Variants in NEK7 observed in about 807,000 individuals in gnomAD.
The protein encoded by NEK7 is serine/threonine-protein kinase Nek7.
A neutral mutation model predicts 44.6 loss-of-function variants in NEK7; 18 were observed. That is an observed-to-expected ratio of 0.40 (90% CI 0.28 to 0.60). NEK7 has a LOEUF of 0.60. NEK7 is among the 20% of genes least tolerant of loss of function. NEK7 has a pLI of 0.38. For missense variants in NEK7, 256 were observed against 366.5 expected, an observed-to-expected ratio of 0.70 and a Z score of 2.46; for synonymous variants, 130 against 121.1, an observed-to-expected ratio of 1.07 and a Z score of -0.48.
intron 1 of NEK7, among the ~76,000 whole-genome samples, chr1:198,226,162 C>T (rs781542521): frequency 6.6e-6 from 1 of 151,682 alleles, no homozygotes; most frequent in Admixed American, 6.6e-5. Flanking sequence ...ATTAGTGGTA[C>T]GAGATACACT....
At chr1:198,275,411 G>A (rs1043674398) in intron 5 of NEK7, among the ~76,000 whole-genome samples, 1 of 150,234 alleles carries the variant, frequency 6.7e-6, no homozygotes, top group African/African-American at 2.4e-5. Context: ...ACTTTTAGAT[G>A]GATTGGTTAC....
At chr1:198,229,969 G>A (rs1033272342) in intron 1 of NEK7, among the ~76,000 whole-genome samples, 1 of 152,092 alleles carries the variant, frequency 6.6e-6, no homozygotes, top group Non-Finnish European at 1.5e-5. Flanking sequence ...TTCTCAAAAT[G>A]TCTTCTTTGG....
chr1:198,220,464 T>C (rs1485876792), intron 1 of NEK7, among the ~76,000 whole-genome samples: 1 of 152,138 alleles, frequency 6.6e-6, no homozygotes, highest in East Asian at 1.9e-4. Context: ...GAAACATTCA[T>C]GGTTCTTTTC....
chr1:198,167,104 C>T (rs556916702), intron 1 of NEK7, among the ~76,000 whole-genome samples: 10 of 152,304 alleles, frequency 6.6e-5, no homozygotes, highest in African/African-American at 2.4e-4. Context: ...GAATGTGGCT[C>T]ATGCCTTTCT....
intron 3 of NEK7, among the ~76,000 whole-genome samples, chr1:198,261,520 C>T (rs1183829623): frequency 1.3e-5 from 2 of 151,900 alleles, no homozygotes; most frequent in African/African-American, 4.8e-5. Flanking sequence ...TCTGCCACTC[C>T]TTTGACATTG....
chr1:198,293,054 T>C lies in NEK7; in HGVS notation c.684+15T>C, dbSNP rs1337610799. On this transcript the variant is annotated intron_variant, in intron 8 of 9. Transcript: ENST00000367385. ...TACTATATGAGGTAGGTAATGTTGATAAATTCCAAATATTGATGCAGTTTT... is the reference window on the plus strand; with the variant it reads ...TACTATATGAGGTAGGTAATGTTGACAAATTCCAAATATTGATGCAGTTTT... 3 of 1,312,842 alleles carry C rather than the reference T, an allele frequency of 2.3e-6. No individual in the cohort carries two copies. Among genetic ancestry groups the C allele is most frequent in the Non-Finnish European group, 3.3e-6 (3 of 907,588 alleles). The allele number at this position is 1,312,842 out of a possible 1,614,324, so 81.3% of individuals were successfully genotyped here.
At chr1:198,185,860 T>A (rs1281185299) in intron 1 of NEK7, among the ~76,000 whole-genome samples, 2 of 152,182 alleles carry the variant, frequency 1.3e-5, no homozygotes, top group African/African-American at 4.8e-5. Flanking sequence ...GATTGGTGAT[T>A]GGTTGCTGGT....
intron 1 of NEK7, among the ~76,000 whole-genome samples, chr1:198,166,398 G>C (rs559610003): frequency 1.1e-4 from 17 of 152,260 alleles, no homozygotes; most frequent in East Asian, 1.9e-4. Context: ...TTGGCTGTTT[G>C]GCTCCAGAGG....
intron 1 of NEK7, among the ~76,000 whole-genome samples, chr1:198,173,547 G>T (rs961584937): frequency 2.0e-5 from 3 of 151,846 alleles, no homozygotes; most frequent in Non-Finnish European, 4.4e-5. Flanking sequence ...AATATGTGAG[G>T]TATTTTTCTT....
intron 8 of NEK7, 151 bp from the exon 9 acceptor site, chr1:198,296,976 C>T (rs1654734274): frequency 1.2e-5 from 6 of 488,460 alleles, no homozygotes; most frequent in African/African-American, 2.0e-5. Flanking sequence ...AATAAATTTC[C>T]TCAGAAGGGG....
chr1:198,177,484 A>T (rs1664638278), intron 1 of NEK7, among the ~76,000 whole-genome samples: 1 of 152,162 alleles, frequency 6.6e-6, no homozygotes, highest in Non-Finnish European at 1.5e-5. Context: ...TGTATCACAT[A>T]TGAGCTCTTC....
Position 198,271,339 on chromosome 1 carries a change from G to A in NEK7, c.373-6622G>A, listed in dbSNP as rs1012332537. Among the ~76,000 whole-genome samples the A allele has an allele frequency of 1.1e-4, 17 of 151,972 alleles. 1 individual carries two copies. The highest frequency in any genetic ancestry group is 9.2e-4 in the Admixed American group (14 of 15,228). On this transcript the variant is annotated intron_variant, in intron 5 of 9. Coordinates refer to ENST00000367385, the MANE Select transcript of NEK7 (RefSeq NM_133494.3). ...TCAAGAGAATGGGATTATACAACAGGACTTGAGAATTTGGGGGAGTGAGGT... is the reference window on the plus strand; with the variant it reads ...TCAAGAGAATGGGATTATACAACAGAACTTGAGAATTTGGGGGAGTGAGGT...
chr1:198,248,574 C>T (rs913826541), intron 2 of NEK7, among the ~76,000 whole-genome samples: 1 of 152,108 alleles, frequency 6.6e-6, no homozygotes, highest in African/African-American at 2.4e-5. Flanking sequence ...GTGCCTGGCA[C>T]ATGGTAAATA....
chr1:198,313,568 T>G (rs369985697), intron 9 of NEK7, among the ~76,000 whole-genome samples: 2 of 136,842 alleles, frequency 1.5e-5, no homozygotes, highest in African/African-American at 6.0e-5. Flanking sequence ...GATTTTGCAG[T>G]GGCTGGTACC....
At chr1:198,235,294 T>G (rs529357496) in intron 2 of NEK7, among the ~76,000 whole-genome samples, 51 of 152,266 alleles carry the variant, frequency 3.3e-4, no homozygotes, top group African/African-American at 1.2e-3. Context: ...GTTCCTTTTG[T>G]TTTGTTTTAG....
rs999876678 is a variant in NEK7, at chr1:198,308,054, G to T, written c.798+10814G>T. Among the ~76,000 whole-genome samples, 134 of 152,058 alleles carry T rather than the reference G, an allele frequency of 8.8e-4. 1 individual carries two copies. Among genetic ancestry groups the T allele is most frequent in the African/African-American group, 3.2e-3 (132 of 41,406 alleles). Reference sequence around the variant, plus strand: ...GATTTTTCATCTATAAAATGAGACTGTTGTGGGAGATTACAGTGCTTTAAA... The same window carrying T: ...GATTTTTCATCTATAAAATGAGACTTTTGTGGGAGATTACAGTGCTTTAAA... On this transcript the variant is annotated intron_variant, in intron 9 of 9. Coordinates refer to ENST00000367385, the MANE Select transcript of NEK7 (RefSeq NM_133494.3).
At chr1:198,318,015 C>G (rs887016727) in intron 9 of NEK7, among the ~76,000 whole-genome samples, 13 of 149,036 alleles carry the variant, frequency 8.7e-5, no homozygotes, top group Admixed American at 1.4e-4. Context: ...GTTCTCTGCT[C>G]TTTTGGAAGG....
At chr1:198,183,854 C>T (rs1664838774) in intron 1 of NEK7, among the ~76,000 whole-genome samples, 1 of 152,148 alleles carries the variant, frequency 6.6e-6, no homozygotes, top group Non-Finnish European at 1.5e-5. Flanking sequence ...GGTCTAATGT[C>T]ATTCATAATT....
At chr1:198,261,519 C>T (rs914851505) in intron 3 of NEK7, among the ~76,000 whole-genome samples, 1 of 151,878 alleles carries the variant, frequency 6.6e-6, no homozygotes, top group African/African-American at 2.4e-5. Context: ...TTCTGCCACT[C>T]CTTTGACATT....
Sources: allele counts gnomAD v4.1 joint callset (sites outside exome capture counted in the v4.1 genomes callset), GRCh38; gene constraint gnomAD v4.1.1; transcripts MANE v1.5; gene names NCBI Gene and HGNC (gene_info 2026-07-23, HGNC 2026-07-21).